NFIA: variants seen among roughly 807,000 people sequenced by gnomAD.
NFIA encodes the protein nuclear factor 1 A-type.
In NFIA, 8 loss-of-function variants were observed where a neutral mutation model predicts 62.8. The ratio of observed to expected loss-of-function variants is 0.13; its 90% CI spans 0.07 to 0.23. The LOEUF (loss-of-function observed/expected upper bound fraction) is 0.23. Ranked by LOEUF, NFIA falls within the 10% of genes least tolerant of loss-of-function variation. NFIA has a pLI of 1.00. For missense variants in NFIA, 410 were observed against 642.1 expected (o/e 0.64, Z 3.91); for synonymous variants, 235 against 238.1 (o/e 0.99, Z 0.12).
At chr1:61,403,993 C>G in intron 7 of NFIA, 111 bp from the exon 8 acceptor site, 2 of 1,238,768 alleles carry the variant, frequency 1.6e-6, no homozygotes, top group Non-Finnish European at 2.3e-6. Flanking sequence ...GTCACATGAG[C>G]AATATTGTGA....
chr1:61,230,449 C>A (rs1357728534), intron 2 of NFIA, among the ~76,000 whole-genome samples: 1 of 152,142 alleles, frequency 6.6e-6, no homozygotes, highest in Non-Finnish European at 1.5e-5. Flanking sequence ...TGTTTCATAT[C>A]TAATCATCCA....
intron 6 of NFIA, among the ~76,000 whole-genome samples, chr1:61,379,725 T>A (rs191507831): frequency 1.1e-4 from 17 of 152,010 alleles, no homozygotes; most frequent in Admixed American, 8.5e-4. Flanking sequence ...TTTTAAAAAT[T>A]AATTTTTTGT....
At chr1:61,265,946 C>T (rs957955079) in intron 2 of NFIA, among the ~76,000 whole-genome samples, 1 of 152,182 alleles carries the variant, frequency 6.6e-6, no homozygotes, top group Non-Finnish European at 1.5e-5. Context: ...CATGTTATTT[C>T]TAATTGCACT....
intron 2 of NFIA, among the ~76,000 whole-genome samples, chr1:61,164,183 C>G (rs1055850850): frequency 2.0e-5 from 3 of 151,730 alleles, no homozygotes; most frequent in Non-Finnish European, 4.4e-5. Context: ...TAGACACTTT[C>G]CATTTTTCTG....
chr1:61,155,233 A>G (rs565934857), intron 2 of NFIA, among the ~76,000 whole-genome samples: 37 of 152,370 alleles, frequency 2.4e-4, no homozygotes, highest in African/African-American at 8.2e-4. Context: ...TCTCTTAAAG[A>G]AAAGTGTAAA....
chr1:61,431,648 A>T (rs1224032994), intron 10 of NFIA, among the ~76,000 whole-genome samples: 2 of 152,254 alleles, frequency 1.3e-5, no homozygotes, highest in Non-Finnish European at 2.9e-5. Flanking sequence ...CCTTTGCCTC[A>T]TGAAATTTAC....
At chr1:61,239,710 CTT>C (rs1254053497) in intron 2 of NFIA, among the ~76,000 whole-genome samples, 1 of 152,062 alleles carries the variant, frequency 6.6e-6, no homozygotes. Flanking sequence ...TCTTTAAACA[CTT>C]AATATATTAT....
intron 2 of NFIA, among the ~76,000 whole-genome samples, chr1:61,169,524 A>G (rs1649806890): frequency 1.3e-5 from 2 of 152,176 alleles, no homozygotes; most frequent in South Asian, 4.1e-4. Flanking sequence ...GGGGTCCACA[A>G]TTTCCAGTGC....
chr1:61,356,439 T>G (rs868173357), intron 5 of NFIA, among the ~76,000 whole-genome samples: 2 of 152,358 alleles, frequency 1.3e-5, no homozygotes, highest in Middle Eastern at 6.8e-3. Flanking sequence ...AAAATTGTTA[T>G]AGCAGGAGCC....
chr1:61,267,952 A>G (rs1657275245), intron 2 of NFIA, among the ~76,000 whole-genome samples: 1 of 152,214 alleles, frequency 6.6e-6, no homozygotes, highest in Non-Finnish European at 1.5e-5. Flanking sequence ...GATAGGCCCA[A>G]AGACAACTAA....
At chr1:61,089,695 C>CTTTTT (rs918196815) in intron 2 of NFIA, among the ~76,000 whole-genome samples, 10 of 107,748 alleles carry the variant, frequency 9.3e-5, no homozygotes, top group East Asian at 2.6e-4. Context: ...GTTTTTTTTT[C>CTTTTT]TTTTTTTTTT....
At chr1:61,157,421 A>G (rs1192711050) in intron 2 of NFIA, among the ~76,000 whole-genome samples, 1 of 152,016 alleles carries the variant, frequency 6.6e-6, no homozygotes, top group African/African-American at 2.4e-5. Context: ...ATAGAGGAAG[A>G]AAAAAAAGGA....
intron 3 of NFIA, among the ~76,000 whole-genome samples, chr1:61,304,850 C>A (rs1659683384): frequency 6.6e-6 from 1 of 152,162 alleles, no homozygotes; most frequent in Non-Finnish European, 1.5e-5. Context: ...AGTCATAAAC[C>A]TCCAATTAAT....
chr1:61,087,284 A>C (rs1393247295), intron 1 of NFIA, among the ~76,000 whole-genome samples: 1 of 152,118 alleles, frequency 6.6e-6, no homozygotes, highest in African/African-American at 2.4e-5. Context: ...ATTTGCAAAA[A>C]TTAAATAATC....
chr1:61,421,889 T>C (rs576832758), intron 9 of NFIA, among the ~76,000 whole-genome samples: 18 of 152,358 alleles, frequency 1.2e-4, no homozygotes, highest in South Asian at 4.1e-4. Flanking sequence ...CTGCCTGCTT[T>C]CAAAACAAAC....
chr1:61,337,763 C>A, intron 4 of NFIA, among the ~76,000 whole-genome samples: 1 of 152,208 alleles, frequency 6.6e-6, no homozygotes. Context: ...ACTCTACTAG[C>A]TGCTAAGTGA....
In NFIA at chr1:61,456,060, A is replaced by G. The variant is rs1331196083; in HGVS notation, c.*740A>G. Reference sequence around the variant, plus strand: ...TTACATTTAAAAAAACAACAACAACATTTTTTCAACAATTTCAACAATGAC... The same window carrying G: ...TTACATTTAAAAAAACAACAACAACGTTTTTTCAACAATTTCAACAATGAC... On this transcript the variant is annotated 3_prime_UTR_variant, in exon 11 of 11. Transcript: ENST00000403491. 1 of 152,540 alleles carries G rather than the reference A, an allele frequency of 6.6e-6. No homozygotes were observed. The highest frequency in any genetic ancestry group is 2.4e-5 in the African/African-American group (1 of 41,412). The allele number at this position is 152,540 out of a possible 1,614,324, so 9.4% of individuals were successfully genotyped here. A position where few individuals can be genotyped will look rare whatever the true frequency, so the allele number is the denominator to read the frequency against.
intron 10 of NFIA, among the ~76,000 whole-genome samples, chr1:61,452,198 A>G (rs181328401): frequency 6.6e-6 from 1 of 152,084 alleles, no homozygotes; most frequent in South Asian, 2.1e-4. Context: ...ACTCATCCCA[A>G]TGGGATTATG....
At position 61,369,071 on chromosome 1, in the gene NFIA, G is replaced by A. The variant is rs553825456; in HGVS notation, c.946+9797G>A. On this transcript the variant is annotated intron_variant, in intron 6 of 10. Coordinates refer to ENST00000403491, the MANE Select transcript of NFIA (RefSeq NM_001134673.4). The stretch of plus-strand genomic sequence containing the variant: ...CTGCTGTGCCTGCTTAAAATAGCTG[G>A]TGCATCAGCCATTTCATCGTTAAAG... Among the ~76,000 whole-genome samples, 21 of 152,242 alleles carry A rather than the reference G, an allele frequency of 1.4e-4. No homozygotes were observed. In the East Asian group the frequency reaches 3.7e-3, roughly 27 times the overall value.
Sources: gnomAD v4.1 joint callset for allele counts (sites outside exome capture counted in the v4.1 genomes callset) on GRCh38, gnomAD v4.1.1 for gene constraint, MANE v1.5 for transcripts, NCBI Gene and HGNC (gene_info 2026-07-23, HGNC 2026-07-21) for gene names.